LCORL: variants seen among roughly 807,000 people sequenced by gnomAD.
LCORL encodes ligand-dependent nuclear receptor corepressor-like protein.
A neutral mutation model predicts 141.8 loss-of-function variants in LCORL; 41 were observed. The observed-to-expected ratio is 0.29, with a 90% CI of 0.23 to 0.38. The LOEUF (loss-of-function observed/expected upper bound fraction) is 0.38. Ranked by LOEUF, LCORL falls within the 10% of genes least tolerant of loss-of-function variation. The probability of loss-of-function intolerance (pLI) is 1.00; values close to 1 mark genes in which losing one functional copy is unlikely to be tolerated. For synonymous variants in LCORL, 618 were observed against 694.1 expected (o/e 0.89, Z 1.72); for missense variants, 1,759 against 2,035.0 (o/e 0.86, Z 2.61).
At chr4:17,945,946 G>C (rs1043520913) in intron 4 of LCORL, among the ~76,000 whole-genome samples, 1 of 151,816 alleles carries the variant, frequency 6.6e-6, no homozygotes, top group Non-Finnish European at 1.5e-5. Flanking sequence ...GAAACTTAAT[G>C]AGACAAAATT....
At chr4:17,975,380 T>C (rs898377374) in intron 1 of LCORL, among the ~76,000 whole-genome samples, 1 of 152,208 alleles carries the variant, frequency 6.6e-6, no homozygotes, top group East Asian at 1.9e-4. Context: ...TTCAGAAATC[T>C]TTCTCTTTGC....
chr4:17,990,565 T>A (rs1415249070), intron 1 of LCORL, among the ~76,000 whole-genome samples: 2 of 151,964 alleles, frequency 1.3e-5, no homozygotes, highest in East Asian at 3.9e-4. Flanking sequence ...CTGCCTACTG[T>A]ATCATGATAT....
At chr4:17,871,487 T>C (rs1478711431) in intron 7 of LCORL, among the ~76,000 whole-genome samples, 2 of 151,938 alleles carry the variant, frequency 1.3e-5, no homozygotes, top group East Asian at 1.9e-4. Context: ...TGGGGGTAAA[T>C]AATCACATTA....
At chr4:17,979,221 T>A (rs1717557136) in intron 1 of LCORL, among the ~76,000 whole-genome samples, 1 of 152,184 alleles carries the variant, frequency 6.6e-6, no homozygotes, top group African/African-American at 2.4e-5. Flanking sequence ...TGCTATAATC[T>A]GCAAATTACC....
chr4:17,890,928 A>C (rs1246185993), intron 5 of LCORL, among the ~76,000 whole-genome samples: 2 of 152,128 alleles, frequency 1.3e-5, no homozygotes, highest in Non-Finnish European at 2.9e-5. Context: ...CAAAAAGGAC[A>C]ACTGGAACCT....
rs190320402 is a variant in LCORL, at chr4:17,899,610, A to T, written c.682+9484T>A. Among the ~76,000 whole-genome samples the T allele has an allele frequency of 5.8e-3, 891 of 152,336 alleles. 2 individuals are homozygous for T. Among genetic ancestry groups the T allele is most frequent in the Middle Eastern group, 0.017 (5 of 294 alleles). On this transcript the variant is annotated intron_variant, in intron 5 of 7. Coordinates refer to ENST00000635767, the Ensembl canonical transcript of LCORL. The stretch of plus-strand genomic sequence containing the variant: ...CAGAAAACCAAGAGGAAGATTAAAT[A>T]CAAACTATCAGCTTTATTACAACTG...
At chr4:18,018,843 TGA>T (rs1725039684) in intron 1 of LCORL, among the ~76,000 whole-genome samples, 1 of 152,180 alleles carries the variant, frequency 6.6e-6, no homozygotes, top group Non-Finnish European at 1.5e-5. Context: ...TTGTAAGCAA[TGA>T]GAGCACCGAA....
In LCORL at chr4:17,926,486, C is replaced by T. The variant is rs150394008; in HGVS notation, c.431-17141G>A. 3.2e-3 allele frequency among the ~76,000 whole-genome samples: 485 copies of T among 152,318 alleles called. 4 individuals carry two copies. Among genetic ancestry groups the T allele is most frequent in the African/African-American group, 0.011 (455 of 41,556 alleles). The stretch of plus-strand genomic sequence containing the variant: ...AGCTTTTCGACTCTTGGACCTACAC[C>T]AATGGTTTGACAGGGGCTCTCAGGC... On this transcript the variant is annotated intron_variant, in intron 4 of 7. Transcript: ENST00000635767.
chr4:17,929,722 G>A (rs560575740), intron 4 of LCORL, among the ~76,000 whole-genome samples: 1 of 152,146 alleles, frequency 6.6e-6, no homozygotes, highest in East Asian at 1.9e-4. Context: ...TCTTAGATCT[G>A]ACACTAAAAG....
At chr4:17,936,924 G>T (rs1369928994) in intron 4 of LCORL, among the ~76,000 whole-genome samples, 2 of 152,070 alleles carry the variant, frequency 1.3e-5, no homozygotes, top group African/African-American at 2.4e-5. Flanking sequence ...CAATAAAGTT[G>T]AACAAATATG....
chr4:17,878,128 T>C (rs1727107840), exon 7 of LCORL: 1 of 1,230,352 alleles, frequency 8.1e-7, no homozygotes, highest in Non-Finnish European at 1.0e-6. Flanking sequence ...TGGTGATGTA[T>C]GCACAAAGAT....
At chr4:17,932,797 C>A (rs1288809695) in intron 4 of LCORL, among the ~76,000 whole-genome samples, 1 of 152,134 alleles carries the variant, frequency 6.6e-6, no homozygotes, top group East Asian at 1.9e-4. Context: ...ATATTGCCTG[C>A]AAAATCTCCA....
At chr4:17,951,523 T>C (rs1739724213) in intron 4 of LCORL, among the ~76,000 whole-genome samples, 1 of 152,218 alleles carries the variant, frequency 6.6e-6, no homozygotes, top group Non-Finnish European at 1.5e-5. Context: ...CCTCAACTTT[T>C]TTTTACATCT....
chr4:17,966,905 A>G (rs1035878423), intron 2 of LCORL, among the ~76,000 whole-genome samples: 1 of 152,192 alleles, frequency 6.6e-6, no homozygotes, highest in African/African-American at 2.4e-5. Flanking sequence ...AACATAGTCT[A>G]TCAATGATGC....
chr4:17,966,828 T>C (rs886837633), intron 2 of LCORL, among the ~76,000 whole-genome samples: 9 of 152,206 alleles, frequency 5.9e-5, no homozygotes, highest in Non-Finnish European at 1.0e-4. Context: ...CTTTCATCCA[T>C]TGCTGGTGGG....
chr4:17,972,274 G>C (rs1716117197), intron 2 of LCORL, among the ~76,000 whole-genome samples: 1 of 151,726 alleles, frequency 6.6e-6, no homozygotes, highest in South Asian at 2.1e-4. Flanking sequence ...ATATTAGAAA[G>C]ACATGTCCTA....
intron 4 of LCORL, among the ~76,000 whole-genome samples, chr4:17,955,893 T>C (rs180928402): frequency 6.6e-6 from 1 of 152,152 alleles, no homozygotes; most frequent in Admixed American, 6.5e-5. Flanking sequence ...CATGAGGAGA[T>C]AGTCAACAGT....
chr4:17,947,397 G>GC (rs1393094439), intron 4 of LCORL, among the ~76,000 whole-genome samples: 1 of 151,980 alleles, frequency 6.6e-6, no homozygotes, highest in Non-Finnish European at 1.5e-5. Flanking sequence ...GAATACAAAG[G>GC]CTGGGGGTAT....
In LCORL at chr4:17,884,565, A is replaced by G. The variant is rs766118294; in HGVS notation, c.776+1503T>C. 14 of 1,538,490 alleles carry G rather than the reference A, an allele frequency of 9.1e-6. No homozygotes were observed. The Admixed American group carries it at 1.3e-4, about 14-fold the overall frequency. On this transcript the variant is annotated intron_variant, in intron 6 of 7. Coordinates refer to ENST00000635767, the Ensembl canonical transcript of LCORL. This position sits in a 1 kb window ranked among gnomAD's most constrained non-coding sequence, Gnocchi z 4.4. ...AAATCTCGAGTTTTGTTTTTAAAAG[A>G]TGCAGGCTTCCCTGCTGGTAAGGCT... is the stretch of plus-strand genomic sequence containing the variant.
Sources: gnomAD v4.1 joint callset for allele counts (sites outside exome capture counted in the v4.1 genomes callset) on GRCh38, gnomAD v4.1.1 for gene constraint, Gnocchi (gnomAD v3.1) non-coding constraint, MANE v1.5 for transcripts, NCBI Gene and HGNC (gene_info 2026-07-23, HGNC 2026-07-21) for gene names.